ERC1: variants seen among roughly 807,000 people sequenced by gnomAD.
The protein encoded by ERC1 is RAB6 interacting protein 2.
Under a neutral mutation model 132.0 loss-of-function variants are expected in ERC1, and 56 were observed. The ratio of observed to expected loss-of-function variants is 0.42; its 90% CI spans 0.34 to 0.53. ERC1 has a LOEUF of 0.53. ERC1 is among the 20% of genes least tolerant of loss of function. ERC1 has a pLI of 0.03. For missense variants in ERC1, 1,202 were observed against 1,349.9 expected, an observed-to-expected ratio of 0.89 and a Z score of 1.72; for synonymous variants, 478 against 476.1, an observed-to-expected ratio of 1.00 and a Z score of -0.05.
chr12:992,117 A>G (rs1436929615), intron 1 of ERC1, among the ~76,000 whole-genome samples: 1 of 152,094 alleles, frequency 6.6e-6, no homozygotes, highest in African/African-American at 2.4e-5. Flanking sequence ...GGCAGCCACC[A>G]TTTGGGTCGC....
At position 1,440,600 on chromosome 12, in the gene ERC1, TTGTGTGTGTGTGTGTGTGTGTGTGTGTG is replaced by T. The variant is rs56749397; in HGVS notation, c.3025-3921_3025-3894del. Among the ~76,000 whole-genome samples the T allele has an allele frequency of 1.5e-3, 78 of 51,158 alleles. 1 individual carries two copies. Among genetic ancestry groups the T allele is most frequent in the Middle Eastern group, 0.011 (1 of 88 alleles). 33.6% of individuals were successfully genotyped at this position (51,158 alleles called of 152,430 possible). On this transcript the variant is annotated intron_variant, in intron 17 of 18. Transcript: ENST00000360905. ...TAAGCAATCCCCCTGCCTCAGCCTT[TTGTGTGTGTGTGTGTGTGTGTGTGTGTG>T]TGTGTGTGTGTGTGTGTGTGTGTGT...
At chr12:999,609 ATTTTTT>A (rs10661786) in intron 1 of ERC1, among the ~76,000 whole-genome samples, 1 of 102,950 alleles carries the variant, frequency 9.7e-6, no homozygotes, top group Non-Finnish European at 1.8e-5. Flanking sequence ...GTGCTAGGTG[ATTTTTT>A]TTTTTTTTTT....
rs568934307 is a variant in ERC1, at chr12:1,444,273, C to G, written c.3025-289C>G. 5 of 228,806 alleles carry G rather than the reference C, an allele frequency of 2.2e-5. No individual in the cohort carries two copies. In the East Asian group the frequency reaches 4.2e-4, roughly 19 times the overall value. The allele number at this position is 228,806 out of a possible 1,614,324, so 14.2% of individuals were successfully genotyped here. On this transcript the variant is annotated intron_variant, in intron 17 of 18. Coordinates refer to ENST00000360905, the MANE Select transcript of ERC1 (RefSeq NM_178040.4). ...GCATCTCTGTAAAAACAAGTTAGTC[C>G]TGTGCTTAATTCCTGCCTCGATACA...
intron 17 of ERC1, among the ~76,000 whole-genome samples, chr12:1,410,885 A>G (rs921307487): frequency 7.9e-5 from 12 of 151,742 alleles, no homozygotes; most frequent in African/African-American, 2.9e-4. Context: ...ACTTTTTATG[A>G]TGATTAATTA....
intron 8 of ERC1, among the ~76,000 whole-genome samples, chr12:1,168,692 G>T (rs996389194): frequency 2.6e-5 from 4 of 152,062 alleles, no homozygotes; most frequent in African/African-American, 9.6e-5. Context: ...TTGCCATGTT[G>T]GTCAGGCTGG....
At position 1,135,955 on chromosome 12, in the gene ERC1, G is replaced by A. The variant is rs143074738; in HGVS notation, c.1570-5665G>A. 3.0e-3 allele frequency among the ~76,000 whole-genome samples: 450 copies of A among 152,284 alleles called. 7 individuals carry two copies. The highest frequency in any genetic ancestry group is 2.3e-3 in the South Asian group (11 of 4,824). ...TCAGGTCATTATCAGGTATTTTCAGGTTTTTATCAAAGCATTTCAGGTATT... is the reference window on the plus strand; with the variant it reads ...TCAGGTCATTATCAGGTATTTTCAGATTTTTATCAAAGCATTTCAGGTATT... On this transcript the variant is annotated intron_variant, in intron 7 of 18. Coordinates refer to ENST00000360905, the MANE Select transcript of ERC1 (RefSeq NM_178040.4).
intron 18 of ERC1, among the ~76,000 whole-genome samples, chr12:1,484,564 G>A (rs1213165563): frequency 6.7e-6 from 1 of 148,592 alleles, no homozygotes; most frequent in Non-Finnish European, 1.5e-5. Context: ...TCGTTTGTTT[G>A]TTTTGAGTTT....
At chr12:1,165,179 G>C (rs1952277522) in intron 8 of ERC1, among the ~76,000 whole-genome samples, 1 of 152,146 alleles carries the variant, frequency 6.6e-6, no homozygotes, top group Admixed American at 6.5e-5. Context: ...ATTCACCTTG[G>C]GTGAGAAGCA....
At position 1,110,346 on chromosome 12, in the gene ERC1, A is replaced by G; in HGVS notation, c.1316A>G (p.Lys439Arg). The G allele has an allele frequency of 6.3e-7, 1 of 1,595,554 alleles. No homozygotes were observed. Among genetic ancestry groups the G allele is most frequent in the Non-Finnish European group, 8.5e-7 (1 of 1,173,484 alleles). Residue 439 changes from lysine (K) to arginine (R), a missense_variant and splice_region_variant, in exon 5 of 19, where the codon AAG (lysine) becomes AGG (arginine). Transcript: ENST00000360905. ...AGCCATTCTAAATTTATGAAAAATAAGGTAATGGCATGTGAGACTTTTGAT... is the reference window on the plus strand; with the variant it reads ...AGCCATTCTAAATTTATGAAAAATAGGGTAATGGCATGTGAGACTTTTGAT... ...YRSHSKFMKN[K>R]VEQLKEELSS...
At chr12:1,092,715 C>T (rs1030327032) in intron 3 of ERC1, among the ~76,000 whole-genome samples, 1 of 152,214 alleles carries the variant, frequency 6.6e-6, no homozygotes, top group Non-Finnish European at 1.5e-5. Context: ...AATCCCAGCA[C>T]TTTGGGAGGC....
At chr12:1,108,941 A>G (rs1945549879) in intron 4 of ERC1, among the ~76,000 whole-genome samples, 1 of 152,210 alleles carries the variant, frequency 6.6e-6, no homozygotes, top group Non-Finnish European at 1.5e-5. Flanking sequence ...AATAAAGGAG[A>G]CTTAATCAAG....
intron 15 of ERC1, among the ~76,000 whole-genome samples, chr12:1,343,896 C>T (rs2084165026): frequency 6.6e-6 from 1 of 151,880 alleles, no homozygotes; most frequent in Non-Finnish European, 1.5e-5. Flanking sequence ...GGCTGGAGTG[C>T]AGTGGCGCGA....
intron 1 of ERC1, among the ~76,000 whole-genome samples, chr12:1,025,219 C>T (rs979569523): frequency 6.6e-6 from 1 of 152,066 alleles, no homozygotes; most frequent in African/African-American, 2.4e-5. Flanking sequence ...AATTCAGGTG[C>T]TTTATGGTAG....
chr12:1,058,901 C>T (rs2154173981), intron 2 of ERC1, among the ~76,000 whole-genome samples: 1 of 151,232 alleles, frequency 6.6e-6, no homozygotes, highest in Non-Finnish European at 1.5e-5. Context: ...AAATGATTCT[C>T]CCACATCAGC....
intron 16 of ERC1, among the ~76,000 whole-genome samples, chr12:1,392,113 C>G (rs1189894029): frequency 6.6e-6 from 1 of 151,952 alleles, no homozygotes; most frequent in African/African-American, 2.4e-5. Context: ...AGATTGGGCT[C>G]AACTCAGAAT....
intron 1 of ERC1, among the ~76,000 whole-genome samples, chr12:1,006,145 C>CG (rs1053943753): frequency 1.3e-5 from 2 of 148,236 alleles, no homozygotes; most frequent in East Asian, 2.0e-4. Flanking sequence ...TTAGTAGAGA[C>CG]GGGGTTTCAC....
chr12:1,296,701 A>G (rs1422670373), intron 15 of ERC1, among the ~76,000 whole-genome samples: 5 of 152,184 alleles, frequency 3.3e-5, no homozygotes, highest in Admixed American at 1.3e-4. Flanking sequence ...TGCCCAGCCT[A>G]TTGGATAGTC....
At chr12:1,050,260 G>A (rs1178107154) in intron 2 of ERC1, among the ~76,000 whole-genome samples, 1 of 152,202 alleles carries the variant, frequency 6.6e-6, no homozygotes, top group East Asian at 1.9e-4. Flanking sequence ...TAAGATCTAA[G>A]ACTTGAAGCA....
At chr12:1,057,100 A>G (rs774752247) in intron 2 of ERC1, among the ~76,000 whole-genome samples, 1 of 152,104 alleles carries the variant, frequency 6.6e-6, no homozygotes, top group Non-Finnish European at 1.5e-5. Context: ...CAGAAATACC[A>G]TGGATCATAT....
Sources: allele counts gnomAD v4.1 joint callset (sites outside exome capture counted in the v4.1 genomes callset), GRCh38; gene constraint gnomAD v4.1.1; transcripts MANE v1.5; gene names NCBI Gene and HGNC (gene_info 2026-07-23, HGNC 2026-07-21).